The following ADGRD1 variants were observed in gnomAD, a reference collection of about 807,000 sequenced individuals.
ADGRD1 encodes adhesion G protein-coupled receptor D1.
In ADGRD1, 77 loss-of-function variants were observed where a neutral mutation model predicts 113.4. The observed-to-expected ratio is 0.68, with a 90% CI of 0.57 to 0.82. The LOEUF (loss-of-function observed/expected upper bound fraction) is 0.82. Ranked by LOEUF, ADGRD1 falls within the 40% of genes least tolerant of loss-of-function variation. The pLI, the probability that ADGRD1 is intolerant of heterozygous loss-of-function variation, is 0.00. For synonymous variants in ADGRD1, 474 were observed against 475.0 expected, an observed-to-expected ratio of 1.00 and a Z score of 0.03; for missense variants, 1,036 against 1,139.1, an observed-to-expected ratio of 0.91 and a Z score of 1.30.
rs1593307963 is a variant in ADGRD1, at chr12:130,991,139, T to TG, written c.810+64dup. Reference sequence around the variant, plus strand: ...ATGTTCTTCTGCTTGGGCTGTTTGCTGGGAGAGAGAAAATTCCATTAGGTG... The same window carrying TG: ...ATGTTCTTCTGCTTGGGCTGTTTGCTGGGGAGAGAGAAAATTCCATTAGGTG... On this transcript the variant is annotated intron_variant, in intron 7 of 24. Transcript: ENST00000261654. The TG allele has an allele frequency of 5.0e-6, 7 of 1,390,506 alleles. No homozygotes were observed. The East Asian group carries it at 1.6e-4, about 32-fold the overall frequency. 86.1% of individuals were successfully genotyped at this position (1,390,506 alleles called of 1,614,324 possible).
intron 14 of ADGRD1, among the ~76,000 whole-genome samples, chr12:131,080,330 G>C (rs1487893617): frequency 6.6e-6 from 1 of 152,100 alleles, no homozygotes; most frequent in Non-Finnish European, 1.5e-5. Context: ...TTTATGATCA[G>C]AAAATATTCT....
rs998866894 is a variant in ADGRD1, at chr12:131,057,653, G to C, written c.1474-19148G>C. Among the ~76,000 whole-genome samples the C allele has an allele frequency of 3.3e-5, 5 of 152,198 alleles. No individual in the cohort carries two copies. The highest frequency in any genetic ancestry group is 6.5e-5 in the Admixed American group (1 of 15,280). ...TTCCCGCAGTGTACGAGGACACTCA[G>C]ATGGGACTGAGGGCTCGTCCCCATC... On this transcript the variant is annotated intron_variant, in intron 13 of 24. Transcript: ENST00000261654. The surrounding 1 kb of genome is among the most constrained non-coding windows in gnomAD (Gnocchi z 4.2).
chr12:130,979,817 T>TCA (rs10526212), intron 4 of ADGRD1, among the ~76,000 whole-genome samples: 7,159 of 53,754 alleles, frequency 0.13, 598 homozygotes, highest in African/African-American at 0.23. Context: ...AGCTAGTGTC[T>TCA]CACACACACA....
At chr12:131,137,043 C>A (rs377762805) in intron 23 of ADGRD1, 29 bp downstream of exon 23, 2 of 1,589,356 alleles carry the variant, frequency 1.3e-6, no homozygotes, top group African/African-American at 2.7e-5. Context: ...CTGGCAGGTG[C>A]AGGTGCAGCT....
At chr12:131,030,722 T>C (rs1027789218) in intron 13 of ADGRD1, 1 of 152,262 alleles carries the variant, frequency 6.6e-6, no homozygotes, top group Non-Finnish European at 1.5e-5. Flanking sequence ...TTGGCATCTG[T>C]AGCGTGGATG....
intron 4 of ADGRD1, among the ~76,000 whole-genome samples, chr12:130,974,425 A>T (rs1336262685): frequency 6.6e-6 from 1 of 152,198 alleles, no homozygotes; most frequent in Admixed American, 6.5e-5. Context: ...GGGTAGATTT[A>T]AAGGAAAATA....
chr12:131,062,851 G>T (rs778907312), intron 13 of ADGRD1, among the ~76,000 whole-genome samples: 1 of 152,124 alleles, frequency 6.6e-6, no homozygotes, highest in Non-Finnish European at 1.5e-5. Flanking sequence ...TTTCCAGAGT[G>T]TCTGTACCTT....
chr12:131,006,180 G>C, intron 12 of ADGRD1, 133 bp downstream of exon 12: 1 of 756,114 alleles, frequency 1.3e-6, no homozygotes, highest in Non-Finnish European at 2.2e-6. Context: ...TTCACTGCTC[G>C]GGCAAGGAAA....
At chr12:130,991,570 C>A (rs913602631) in intron 7 of ADGRD1, among the ~76,000 whole-genome samples, 11 of 152,130 alleles carry the variant, frequency 7.2e-5, no homozygotes, top group Non-Finnish European at 1.5e-5. Flanking sequence ...TTTGAGTAAG[C>A]CTCTCTGCGC....
chr12:131,005,854 C>T (rs757010231), intron 11 of ADGRD1, 118 bp from the exon 12 acceptor site: 15 of 790,242 alleles, frequency 1.9e-5, no homozygotes, highest in South Asian at 4.4e-5. Context: ...CTTCCTTCTC[C>T]CCAGAGGGTT....
chr12:131,010,645 C>T (rs879269628), intron 12 of ADGRD1, among the ~76,000 whole-genome samples: 10 of 152,158 alleles, frequency 6.6e-5, no homozygotes, highest in Admixed American at 1.3e-4. Context: ...AGATGTGCTG[C>T]GTGGGGTGAA....
intron 13 of ADGRD1, among the ~76,000 whole-genome samples, chr12:131,059,062 C>T (rs1000267850): frequency 2.0e-5 from 3 of 152,154 alleles, no homozygotes; most frequent in African/African-American, 7.2e-5. Context: ...TATTTTATCT[C>T]TGTTGTTCTG....
At chr12:131,033,185 T>G (rs7978138) in intron 13 of ADGRD1, among the ~76,000 whole-genome samples, 60,508 of 151,994 alleles carry the variant, frequency 0.4, 12,675 homozygotes, top group South Asian at 0.53. Context: ...AGCTCTTTTT[T>G]TGTGCGGGCA....
intron 24 of ADGRD1, 97 bp from the exon 25 acceptor site, chr12:131,139,071 C>T (rs1397617208): frequency 3.3e-5 from 28 of 859,940 alleles, no homozygotes; most frequent in Admixed American, 1.8e-4. Flanking sequence ...GGAGAATCCT[C>T]GGGCAGCTAT....
chr12:131,077,603 G>T (rs751292918), intron 14 of ADGRD1, among the ~76,000 whole-genome samples: 4 of 152,130 alleles, frequency 2.6e-5, no homozygotes, highest in African/African-American at 4.8e-5. Flanking sequence ...CCGCAGGGCC[G>T]GGGAGTGGAG....
intron 4 of ADGRD1, among the ~76,000 whole-genome samples, chr12:130,981,607 TC>T (rs1873006711): frequency 6.6e-6 from 1 of 152,178 alleles, no homozygotes; most frequent in Admixed American, 6.5e-5. Flanking sequence ...GAGCCTCAGT[TC>T]CTTCATCTGT....
intron 3 of ADGRD1, chr12:130,968,140 T>A (rs1327328168): frequency 6.6e-6 from 1 of 152,250 alleles, no homozygotes; most frequent in Admixed American, 6.5e-5. Context: ...TTCACCCCTA[T>A]ACCTGAACTC....
intron 6 of ADGRD1, 102 bp downstream of exon 6, chr12:130,987,451 C>CT: frequency 7.4e-7 from 1 of 1,352,338 alleles, no homozygotes; most frequent in Admixed American, 1.9e-5. Context: ...GCTATCAGCA[C>CT]TGCAGGCGTG....
chr12:131,086,473 C>T (rs1275412501), intron 15 of ADGRD1, among the ~76,000 whole-genome samples: 1 of 152,234 alleles, frequency 6.6e-6, no homozygotes, highest in East Asian at 1.9e-4. Context: ...TAACAGAAAC[C>T]ACCAGCAAAC....
Sources: gnomAD v4.1 joint callset for allele counts (sites outside exome capture counted in the v4.1 genomes callset) on GRCh38, gnomAD v4.1.1 for gene constraint, Gnocchi (gnomAD v3.1) non-coding constraint, MANE v1.5 for transcripts, NCBI Gene and HGNC (gene_info 2026-07-23, HGNC 2026-07-21) for gene names.